Variants in GLB1 observed in about 807,000 individuals in gnomAD.
GLB1 encodes beta-galactosidase.
In GLB1, 56 loss-of-function variants were observed where a neutral mutation model predicts 74.0. That is an observed-to-expected ratio of 0.76 (90% CI 0.61 to 0.94). GLB1 has a LOEUF of 0.94. Ranked by LOEUF, GLB1 falls within the 40% of genes least tolerant of loss-of-function variation. The pLI, the probability that GLB1 is intolerant of heterozygous loss-of-function variation, is 0.00. For missense variants in GLB1, 787 were observed against 845.5 expected (o/e 0.93, Z 0.86); for synonymous variants, 323 against 323.6 (o/e 1.00, Z 0.02).
In GLB1 at chr3:33,083,824, TAATA is replaced by T. The variant is rs1396344407; in HGVS notation, c.76-11115_76-11112del. Among the ~76,000 whole-genome samples the T allele has an allele frequency of 5.9e-5, 9 of 152,274 alleles. No individual in the cohort carries two copies. In the South Asian group the frequency reaches 6.2e-4, roughly 11 times the overall value. On this transcript the variant is annotated intron_variant, in intron 1 of 15. Transcript: ENST00000307363. ...ATTTATTCAGTTTAGATTATTTCAG[TAATA>T]AATAAGCATCTTTTTTAAAAAAAAT... is the stretch of plus-strand genomic sequence containing the variant.
At chr3:33,084,919 T>C (rs1413991679) in intron 1 of GLB1, among the ~76,000 whole-genome samples, 1 of 152,168 alleles carries the variant, frequency 6.6e-6, no homozygotes. Context: ...TTCTATTATA[T>C]ATGTAGTAGG....
In GLB1 at chr3:33,065,532, C is replaced by A; in HGVS notation, c.483G>T (p.Trp161Cys). 6.3e-7 allele frequency: 1 copy of A among 1,582,012 alleles called. No homozygotes were observed. Among genetic ancestry groups the A allele is most frequent in the South Asian group, 1.1e-5 (1 of 87,204 alleles). The part of the protein sequence containing the change: ...DPDYLAAVDK[W>C]LGVLLPKMKP... The stretch of plus-strand genomic sequence containing the variant: ...TCATCTTGGGCAGAAGGACTCCCAA[C>A]CACTTGTCCACAGCTGCCAGGTAAT... The change falls in exon 5 of 16, where the codon TGG becomes TGT. Residue 161 changes from tryptophan (W) to cysteine (C), a missense_variant. By Grantham distance (215) the Trp-to-Cys change is radical (BLOSUM62 -2). Coordinates refer to ENST00000307363, the MANE Select transcript of GLB1 (RefSeq NM_000404.4).
intron 10 of GLB1, among the ~76,000 whole-genome samples, chr3:33,025,972 G>A (rs1697731998): frequency 2.0e-5 from 3 of 152,164 alleles, no homozygotes; most frequent in South Asian, 4.1e-4. Flanking sequence ...CCTGAAGCCC[G>A]CCACGATGGG....
At chr3:32,963,897 A>G in the GLB1 span, among the ~76,000 whole-genome samples, 2 of 152,342 alleles carry the variant, frequency 1.3e-5, no homozygotes, top group Non-Finnish European at 2.9e-5. Flanking sequence ...GAACTTTATG[A>G]TGATGGAGAA....
At position 33,065,553 on chromosome 3, in the gene GLB1, G is replaced by A. The variant is rs1361749642; in HGVS notation, c.462C>T (p.Tyr154=). The A allele has an allele frequency of 1.7e-5, 27 of 1,572,586 alleles. No homozygotes were observed. The highest frequency in any genetic ancestry group is 2.3e-5 in the Non-Finnish European group (27 of 1,155,834). ...SILLRSSDPD[Y]LAAVDKWLGV... is the part of the protein sequence containing the mutation. ...CCAACCACTTGTCCACAGCTGCCAG[G>A]TAATCTGGAAAACAAGAAAAGTTTA... Residue 154 remains tyrosine, a synonymous_variant, in exon 5 of 16, where the codon TAC becomes TAT. Transcript: ENST00000307363.
intron 15 of GLB1, among the ~76,000 whole-genome samples, chr3:33,004,147 G>T (rs184134094): frequency 1.4e-3 from 219 of 152,324 alleles, no homozygotes; most frequent in Middle Eastern, 3.4e-3. Flanking sequence ...TGGCCTTAAG[G>T]AGCCTTGCGC....
intron 10 of GLB1, chr3:33,034,651 G>A (rs565850252): frequency 8.8e-5 from 64 of 729,794 alleles, no homozygotes; most frequent in African/African-American, 6.6e-4. Context: ...ATGCGGGCAG[G>A]TCCATCACAG....
At chr3:32,980,901 G>C in the GLB1 span, among the ~76,000 whole-genome samples, 1 of 151,880 alleles carries the variant, frequency 6.6e-6, no homozygotes, top group African/African-American at 2.4e-5. Context: ...GACCAGCCTG[G>C]GCAACATGGT....
intron 10 of GLB1, among the ~76,000 whole-genome samples, chr3:33,026,776 A>C (rs73057087): frequency 6.6e-6 from 1 of 151,844 alleles, no homozygotes; most frequent in East Asian, 1.9e-4. Flanking sequence ...GGATGGGACA[A>C]TCTACCCACA....
At chr3:33,051,625 A>AG (rs1698992084) in intron 9 of GLB1, 133 bp downstream of exon 9, 1 of 1,253,308 alleles carries the variant, frequency 8.0e-7, no homozygotes, top group African/African-American at 1.6e-5. Context: ...AAAAAGAAAA[A>AG]GAAAAAAAAA....
At chr3:32,985,394 G>A in the GLB1 span, among the ~76,000 whole-genome samples, 2 of 151,998 alleles carry the variant, frequency 1.3e-5, no homozygotes, top group South Asian at 2.1e-4. Flanking sequence ...GGGTTCAAGC[G>A]ATTCTCCTGC....
At chr3:32,997,869 G>A (rs1350615705) in intron 15 of GLB1, among the ~76,000 whole-genome samples, 5 of 152,234 alleles carry the variant, frequency 3.3e-5, no homozygotes, top group South Asian at 4.1e-4. Context: ...AGGGAACAGA[G>A]GACTCCAGGG....
the GLB1 span, among the ~76,000 whole-genome samples, chr3:32,974,693 G>T: frequency 7.2e-5 from 11 of 152,248 alleles, no homozygotes; most frequent in African/African-American, 2.6e-4. Context: ...GACCCTAAAA[G>T]AGTTGATGTT....
intron 10 of GLB1, among the ~76,000 whole-genome samples, chr3:33,043,614 T>C (rs1237192698): frequency 6.6e-6 from 1 of 152,098 alleles, no homozygotes; most frequent in Admixed American, 6.5e-5. Flanking sequence ...TTCATCTATG[T>C]ATATCAAGAA....
chr3:32,989,396 A>C, the GLB1 span, among the ~76,000 whole-genome samples: 2,921 of 152,300 alleles, frequency 0.019, 95 homozygotes, highest in African/African-American at 0.066. Context: ...TCTTCAGCTA[A>C]GTTCCTGGGG....
intron 11 of GLB1, 99 bp from the exon 12 acceptor site, chr3:33,021,754 C>A: frequency 7.4e-7 from 1 of 1,346,078 alleles, no homozygotes; most frequent in Non-Finnish European, 1.0e-6. Flanking sequence ...GTGGGTTTGA[C>A]CAAACCCCTA....
In GLB1 at chr3:33,034,493, G is replaced by A. The variant is rs182805914; in HGVS notation, c.1069-10168C>T. On this transcript the variant is annotated intron_variant, in intron 10 of 15. Transcript: ENST00000307363. Reference sequence around the variant, plus strand: ...GAAGCACAGTGACTGGGTTTGAGATGTGGCCTGGGCCCCCTCCATCAGCCT... The same window carrying A: ...GAAGCACAGTGACTGGGTTTGAGATATGGCCTGGGCCCCCTCCATCAGCCT... 119 of 735,546 alleles carry A rather than the reference G, an allele frequency of 1.6e-4. No homozygotes were observed. In the African/African-American group the frequency reaches 1.8e-3, roughly 11 times the overall value. 45.6% of individuals were successfully genotyped at this position (735,546 alleles called of 1,614,324 possible). A position where few individuals can be genotyped will look rare whatever the true frequency, so the allele number is the denominator to read the frequency against.
chr3:33,072,043 A>G (rs1035798657), intron 2 of GLB1, among the ~76,000 whole-genome samples: 4 of 152,204 alleles, frequency 2.6e-5, no homozygotes, highest in Non-Finnish European at 5.9e-5. Context: ...TAAAACTTAC[A>G]TATCTGTTAT....
intron 10 of GLB1, among the ~76,000 whole-genome samples, chr3:33,026,720 T>C (rs1697777390): frequency 6.6e-6 from 1 of 151,868 alleles, no homozygotes; most frequent in Non-Finnish European, 1.5e-5. Context: ...GGGGAGACAA[T>C]CAGCTGCAGA....
Sources: gnomAD v4.1 joint callset for allele counts (sites outside exome capture counted in the v4.1 genomes callset) on GRCh38, gnomAD v4.1.1 for gene constraint, MANE v1.5 for transcripts, NCBI Gene and HGNC (gene_info 2026-07-23, HGNC 2026-07-21) for gene names.